The following PADI1 variants were observed in gnomAD, a reference collection of about 807,000 sequenced individuals.
PADI1 encodes peptidyl arginine deiminase 1.
In PADI1, 65 loss-of-function variants were observed where a neutral mutation model predicts 74.8. The ratio of observed to expected loss-of-function variants is 0.87; its 90% confidence interval spans 0.71 to 1.07. PADI1 has a LOEUF of 1.07. Among genes scored for constraint, PADI1 ranks in the 50% least tolerant of loss-of-function variants. PADI1 has a pLI of 0.00. For synonymous variants in PADI1, 371 were observed against 336.2 expected (o/e 1.10, Z -1.13); for missense variants, 943 against 854.0 (o/e 1.10, Z -1.30).
At chr1:17,238,537 C>T in intron 12 of PADI1, 79 bp from the exon 13 acceptor site, 2 of 667,296 alleles carry the variant, frequency 3.0e-6, no homozygotes, top group Non-Finnish European at 4.6e-6. Flanking sequence ...TGTCAGGCCC[C>T]TCCTGAGTCC....
chr1:17,222,197 G>A (rs376779504), intron 1 of PADI1, 93 bp from the exon 2 acceptor site: 10 of 865,368 alleles, frequency 1.2e-5, no homozygotes, highest in East Asian at 5.1e-5. Flanking sequence ...CCATTTGAAC[G>A]GCCTGGCAGC....
At chr1:17,216,322 G>A (rs1228971500) in intron 1 of PADI1, among the ~76,000 whole-genome samples, 1 of 152,150 alleles carries the variant, frequency 6.6e-6, no homozygotes, top group African/African-American at 2.4e-5. Flanking sequence ...GAAGCAACTG[G>A]TGGCTTGGAC....
At chr1:17,218,436 A>G (rs937417446) in intron 1 of PADI1, among the ~76,000 whole-genome samples, 1 of 152,152 alleles carries the variant, frequency 6.6e-6, no homozygotes, top group Non-Finnish European at 1.5e-5. Context: ...GTGACACAGC[A>G]AAGGCATTAG....
At chr1:17,219,495 G>A (rs1027797070) in intron 1 of PADI1, among the ~76,000 whole-genome samples, 4 of 152,122 alleles carry the variant, frequency 2.6e-5, no homozygotes, top group African/African-American at 7.2e-5. Context: ...CCTGCCCCGT[G>A]AAGGAGGGGA....
intron 1 of PADI1, among the ~76,000 whole-genome samples, chr1:17,205,915 G>C (rs34647130): frequency 6.6e-6 from 1 of 151,954 alleles, no homozygotes; most frequent in Non-Finnish European, 1.5e-5. Context: ...TGATGATGGC[G>C]ATGATGGCGG....
At chr1:17,234,050 CAG>C (rs1172641402) in intron 11 of PADI1, among the ~76,000 whole-genome samples, 1 of 152,188 alleles carries the variant, frequency 6.6e-6, no homozygotes, top group Non-Finnish European at 1.5e-5. Context: ...TTCTCTAACT[CAG>C]GGAGGAACCC....
intron 14 of PADI1, chr1:17,240,354 C>T (rs2072748645): frequency 3.1e-6 from 1 of 318,478 alleles, no homozygotes; most frequent in Admixed American, 4.4e-5. Context: ...CATGCTGTGG[C>T]TGGGGCTGGG....
In PADI1 at chr1:17,229,030, C is replaced by A; in HGVS notation, c.908C>A (p.Pro303His). 1 of 1,573,344 alleles carries A rather than the reference C, an allele frequency of 6.4e-7. No individual in the cohort carries two copies. Among genetic ancestry groups the A allele is most frequent in the Admixed American group, 1.8e-5 (1 of 54,296 alleles). The part of the protein sequence containing the change: ...PWIMTPNTQP[P>H]EELYVCRVMD... Reference sequence around the variant, plus strand: ...ATCATGACGCCCAACACTCAGCCTCCTGAGGAGCTGTATGTGTGCAGGTGA... The same window carrying A: ...ATCATGACGCCCAACACTCAGCCTCATGAGGAGCTGTATGTGTGCAGGTGA... The change falls in exon 8 of 16, where the codon CCT becomes CAT. Residue 303 changes from proline (P) to histidine (H), a missense_variant. Physicochemically the swap from Pro to His is moderately conservative, Grantham distance 77 (BLOSUM62 -2). Transcript: ENST00000375471.
chr1:17,241,219 C>A (rs1462299977), intron 15 of PADI1, among the ~76,000 whole-genome samples: 1 of 152,204 alleles, frequency 6.6e-6, no homozygotes, highest in African/African-American at 2.4e-5. Context: ...TGGGCGGTGG[C>A]CTCGCTGACT....
At chr1:17,241,161 G>C (rs1400525247) in intron 15 of PADI1, among the ~76,000 whole-genome samples, 2 of 152,186 alleles carry the variant, frequency 1.3e-5, no homozygotes, top group Admixed American at 1.3e-4. Flanking sequence ...ACAGCCCCTC[G>C]CTTGCTGCTC....
chr1:17,236,116 C>T (rs541912433), intron 11 of PADI1, among the ~76,000 whole-genome samples: 2 of 152,330 alleles, frequency 1.3e-5, no homozygotes, highest in Admixed American at 1.3e-4. Context: ...GCACCTCAGG[C>T]TGCTGTCCAG....
chr1:17,226,986 C>A (rs1358457184), intron 6 of PADI1, among the ~76,000 whole-genome samples: 1 of 150,970 alleles, frequency 6.6e-6, no homozygotes, highest in Non-Finnish European at 1.5e-5. Context: ...GAGCTGAGAT[C>A]ACGCCACTGC....
intron 1 of PADI1, among the ~76,000 whole-genome samples, chr1:17,217,423 G>A (rs1038571290): frequency 6.6e-6 from 1 of 152,130 alleles, no homozygotes; most frequent in African/African-American, 2.4e-5. Flanking sequence ...AAAGTTGTGT[G>A]TCCTCTCGGG....
At chr1:17,219,956 C>A (rs2072090738) in intron 1 of PADI1, among the ~76,000 whole-genome samples, 2 of 151,870 alleles carry the variant, frequency 1.3e-5, no homozygotes, top group Non-Finnish European at 2.9e-5. Flanking sequence ...ATGATGGTGG[C>A]TGGGATTGAA....
intron 1 of PADI1, among the ~76,000 whole-genome samples, chr1:17,216,121 A>G (rs2071971285): frequency 6.6e-6 from 1 of 152,158 alleles, no homozygotes; most frequent in African/African-American, 2.4e-5. Flanking sequence ...AGGAACAAGC[A>G]AGAGGGCGTG....
At position 17,222,610 on chromosome 1, in the gene PADI1, C is replaced by T. The variant is rs544882711; in HGVS notation, c.273+140C>T. 16 of 670,028 alleles carry T rather than the reference C, an allele frequency of 2.4e-5. No individual in the cohort carries two copies. The East Asian group carries it at 2.9e-4, about 12-fold the overall frequency. The allele number at this position is 670,028 out of a possible 1,614,324, so 41.5% of individuals were successfully genotyped here. ...AGCTTATCACAGTACATACACAAAA[C>T]GTATCCTGATACAATGCCACTGACG... On this transcript the variant is annotated intron_variant, in intron 2 of 15. Transcript: ENST00000375471.
intron 15 of PADI1, among the ~76,000 whole-genome samples, chr1:17,242,630 C>A (rs2072800833): frequency 6.6e-6 from 1 of 152,134 alleles, no homozygotes; most frequent in Non-Finnish European, 1.5e-5. Flanking sequence ...CTGAAGGATC[C>A]CAGCTTGTCT....
chr1:17,223,702 C>T lies in PADI1; in HGVS notation c.346+9C>T. The T allele has an allele frequency of 6.2e-7, 1 of 1,612,002 alleles. No homozygotes were observed. Among genetic ancestry groups the T allele is most frequent in the Non-Finnish European group, 8.5e-7 (1 of 1,178,238 alleles). On this transcript the variant is annotated intron_variant, in intron 3 of 15. Coordinates refer to ENST00000375471, the MANE Select transcript of PADI1 (RefSeq NM_013358.3). Reference sequence around the variant, plus strand: ...TTACCTCACTGGCGTCGGTAAGTAGCAGCTCCCTGGCTGCCCATCTATCCC... The same window carrying T: ...TTACCTCACTGGCGTCGGTAAGTAGTAGCTCCCTGGCTGCCCATCTATCCC...
chr1:17,239,926 C>G (rs2072738264), intron 14 of PADI1, 143 bp downstream of exon 14: 1 of 657,492 alleles, frequency 1.5e-6, no homozygotes, highest in South Asian at 1.8e-5. Context: ...TGGGATAGAG[C>G]CTCTGCCTTC....
Sources: allele counts gnomAD v4.1 joint callset (sites outside exome capture counted in the v4.1 genomes callset), GRCh38; gene constraint gnomAD v4.1.1; transcripts MANE v1.5; gene names NCBI Gene and HGNC (gene_info 2026-07-23, HGNC 2026-07-21).